ANKH: variants seen among roughly 807,000 people sequenced by gnomAD.
ANKH encodes ANKH inorganic pyrophosphate transport regulator.
In ANKH, 15 loss-of-function variants were observed where a neutral mutation model predicts 49.0. The observed-to-expected ratio is 0.31, with a 90% confidence interval of 0.20 to 0.47. The LOEUF (loss-of-function observed/expected upper bound fraction) is 0.47. ANKH is among the 20% of genes least tolerant of loss of function. The probability of loss-of-function intolerance (pLI) is 1.00; values close to 1 mark genes in which losing one functional copy is unlikely to be tolerated. For missense variants in ANKH, 429 were observed against 652.0 expected (o/e 0.66, Z 3.72); for synonymous variants, 273 against 260.0 (o/e 1.05, Z -0.48).
intron 1 of ANKH, among the ~76,000 whole-genome samples, chr5:14,805,044 T>C (rs1740664360): frequency 6.6e-6 from 1 of 152,180 alleles, no homozygotes; most frequent in Non-Finnish European, 1.5e-5. Context: ...AAAGTACTGA[T>C]TTTTGATGTG....
At chr5:14,800,723 T>C (rs1341879810) in intron 1 of ANKH, among the ~76,000 whole-genome samples, 2 of 151,444 alleles carry the variant, frequency 1.3e-5, no homozygotes, top group African/African-American at 2.4e-5. Flanking sequence ...ATAACATTTT[T>C]TTTCTTTTTT....
At chr5:14,750,563 G>C (rs144106498) in intron 5 of ANKH, among the ~76,000 whole-genome samples, 1 of 152,090 alleles carries the variant, frequency 6.6e-6, no homozygotes, top group Non-Finnish European at 1.5e-5. Context: ...TGAGGGTAGC[G>C]ACCATATCTT....
chr5:14,715,427 G>A (rs764781306), intron 9 of ANKH, among the ~76,000 whole-genome samples: 15 of 152,204 alleles, frequency 9.9e-5, no homozygotes, highest in Non-Finnish European at 1.9e-4. Context: ...CACTGCGCCC[G>A]GCCCATGGCT....
intron 8 of ANKH, among the ~76,000 whole-genome samples, chr5:14,730,138 C>G (rs567678444): frequency 6.6e-6 from 1 of 152,040 alleles, no homozygotes; most frequent in Non-Finnish European, 1.5e-5. Context: ...AAACAGCACA[C>G]AAGGAGGGGA....
chr5:14,855,658 A>C (rs115812891), intron 1 of ANKH, among the ~76,000 whole-genome samples: 6,776 of 152,218 alleles, frequency 0.045, 193 homozygotes, highest in South Asian at 0.066. Flanking sequence ...GGTCCATGGT[A>C]CATGGTAGTC....
chr5:14,772,644 A>T (rs781601923), intron 1 of ANKH, among the ~76,000 whole-genome samples: 3 of 152,212 alleles, frequency 2.0e-5, no homozygotes, highest in Non-Finnish European at 2.9e-5. Flanking sequence ...TGCTCAACAA[A>T]CATCTCTAGC....
intron 1 of ANKH, among the ~76,000 whole-genome samples, chr5:14,850,284 T>C (rs929892648): frequency 6.6e-6 from 1 of 152,206 alleles, no homozygotes; most frequent in Admixed American, 6.5e-5. Flanking sequence ...ATTGTGGTCT[T>C]CCCTGCTGCT....
At chr5:14,751,029 C>CT (rs770398980) in intron 5 of ANKH, 40 bp downstream of exon 5, 5 of 1,607,530 alleles carry the variant, frequency 3.1e-6, no homozygotes, top group Middle Eastern at 3.3e-4. Flanking sequence ...TTATTCTACT[C>CT]TGAGTCTCAG....
intron 1 of ANKH, among the ~76,000 whole-genome samples, chr5:14,822,842 C>T (rs749496395): frequency 2.6e-5 from 4 of 152,194 alleles, no homozygotes; most frequent in Non-Finnish European, 5.9e-5. Context: ...GTCAGGAGAT[C>T]GAGACCACGG....
Position 14,712,182 on chromosome 5 carries a change from C to T in ANKH, c.1365+692G>A, listed in dbSNP as rs189036229. ...GCTGCCATGGCTGGGGAAGCCCAAC[C>T]GCAGGGGACAGCCAGTGTCCTGAGA... On this transcript the variant is annotated intron_variant, in intron 11 of 11. Coordinates refer to ENST00000284268, the MANE Select transcript of ANKH (RefSeq NM_054027.6). Among the ~76,000 whole-genome samples, 710 of 152,332 alleles carry T rather than the reference C, an allele frequency of 4.7e-3. 4 individuals are homozygous for T. Among genetic ancestry groups the T allele is most frequent in the African/African-American group, 0.016 (659 of 41,576 alleles).
intron 1 of ANKH, among the ~76,000 whole-genome samples, chr5:14,859,444 G>C (rs1418495638): frequency 6.6e-6 from 1 of 152,106 alleles, no homozygotes; most frequent in East Asian, 1.9e-4. Context: ...AACCATGTCT[G>C]AACATCAAAA....
chr5:14,862,112 T>C (rs1239982695), intron 1 of ANKH, among the ~76,000 whole-genome samples: 2 of 152,146 alleles, frequency 1.3e-5, no homozygotes, highest in Non-Finnish European at 2.9e-5. Context: ...GGCACATGCC[T>C]CTAATCCCAG....
At chr5:14,829,502 T>C (rs1375433363) in intron 1 of ANKH, among the ~76,000 whole-genome samples, 1 of 152,212 alleles carries the variant, frequency 6.6e-6, no homozygotes, top group African/African-American at 2.4e-5. Flanking sequence ...AAGAAAAAAG[T>C]GTCAAATCTT....
chr5:14,789,773 C>T (rs1420277132), intron 1 of ANKH, among the ~76,000 whole-genome samples: 6 of 152,214 alleles, frequency 3.9e-5, no homozygotes, highest in Middle Eastern at 3.4e-3. Context: ...TGCAGTGGTG[C>T]GATCTCAGCT....
intron 1 of ANKH, among the ~76,000 whole-genome samples, chr5:14,861,473 T>G (rs1735490064): frequency 6.6e-6 from 1 of 152,234 alleles, no homozygotes; most frequent in Admixed American, 6.5e-5. Context: ...ATCTGAGGAC[T>G]CTGCTCTGTT....
chr5:14,744,189 C>A (rs971362222), intron 7 of ANKH, among the ~76,000 whole-genome samples: 1 of 152,230 alleles, frequency 6.6e-6, no homozygotes, highest in East Asian at 1.9e-4. Flanking sequence ...GTGACTCATG[C>A]CTTCTGAGTC....
chr5:14,746,021 T>C, intron 6 of ANKH, 59 bp from the exon 7 acceptor site: 1 of 1,429,364 alleles, frequency 7.0e-7, no homozygotes, highest in Admixed American at 1.7e-5. Context: ...CTCCAGGAGC[T>C]ACAGTAGGTG....
chr5:14,716,187 T>G (rs1737449493), intron 9 of ANKH, among the ~76,000 whole-genome samples: 1 of 152,198 alleles, frequency 6.6e-6, no homozygotes, highest in South Asian at 2.1e-4. Context: ...TTTACTGTTT[T>G]TGTAATCACT....
intron 8 of ANKH, among the ~76,000 whole-genome samples, chr5:14,719,959 G>A (rs1737609348): frequency 6.6e-6 from 1 of 152,186 alleles, no homozygotes; most frequent in South Asian, 2.1e-4. Context: ...AAATGCAAGT[G>A]ATTCTTCTCT....
Sources: allele counts gnomAD v4.1 joint callset (sites outside exome capture counted in the v4.1 genomes callset), GRCh38; gene constraint gnomAD v4.1.1; transcripts MANE v1.5; gene names NCBI Gene and HGNC (gene_info 2026-07-23, HGNC 2026-07-21).